Variants in CADM1 observed in about 807,000 individuals in gnomAD.
CADM1 encodes TSLC-1.
A neutral mutation model predicts 53.1 loss-of-function variants in CADM1; 15 were observed. The observed-to-expected ratio is 0.28, with a 90% confidence interval of 0.19 to 0.44. The LOEUF (loss-of-function observed/expected upper bound fraction) is 0.44. Among genes scored for constraint, CADM1 ranks in the 20% least tolerant of loss-of-function variants. The pLI is 1.00. For missense variants in CADM1, 434 were observed against 611.3 expected (o/e 0.71, Z 3.06); for synonymous variants, 281 against 243.0 (o/e 1.16, Z -1.45).
chr11:115,453,656 A>G (rs996419871), intron 1 of CADM1, among the ~76,000 whole-genome samples: 5 of 151,844 alleles, frequency 3.3e-5, no homozygotes, highest in African/African-American at 1.2e-4. Flanking sequence ...GCCCCAACAC[A>G]CCCAGCTAAT....
chr11:115,504,176 G>A (rs576774648), intron 1 of CADM1, 95 bp downstream of exon 1: 3 of 1,516,746 alleles, frequency 2.0e-6, no homozygotes, highest in African/African-American at 1.4e-5. Flanking sequence ...GGAAGTGGGG[G>A]GAGGTTGTCA....
intron 5 of CADM1, among the ~76,000 whole-genome samples, chr11:115,224,727 A>G (rs1941538604): frequency 6.6e-6 from 1 of 152,174 alleles, no homozygotes; most frequent in Non-Finnish European, 1.5e-5. Flanking sequence ...TTCCCAGCTT[A>G]TGTCGCTATG....
At chr11:115,465,567 A>G (rs751442563) in intron 1 of CADM1, among the ~76,000 whole-genome samples, 2 of 152,224 alleles carry the variant, frequency 1.3e-5, no homozygotes, top group Non-Finnish European at 2.9e-5. Context: ...GCATATAGAT[A>G]TAAAGATAGT....
At chr11:115,434,714 C>A (rs1304824560) in intron 1 of CADM1, among the ~76,000 whole-genome samples, 1 of 152,076 alleles carries the variant, frequency 6.6e-6, no homozygotes, top group Admixed American at 6.6e-5. Flanking sequence ...CACCTCTCCC[C>A]CTTGCCACTC....
intron 10 of CADM1, among the ~76,000 whole-genome samples, chr11:115,186,111 G>A (rs917278115): frequency 1.3e-5 from 2 of 152,210 alleles, no homozygotes; most frequent in South Asian, 2.1e-4. Context: ...TGGGGAAGTC[G>A]TGGGTGAGCT....
chr11:115,371,582 A>G (rs1946307935), intron 1 of CADM1, among the ~76,000 whole-genome samples: 1 of 152,206 alleles, frequency 6.6e-6, no homozygotes, highest in South Asian at 2.1e-4. Flanking sequence ...GGGAGTAAGA[A>G]CATTAAAAGT....
chr11:115,412,279 T>C (rs1261753196), intron 1 of CADM1, among the ~76,000 whole-genome samples: 1 of 152,182 alleles, frequency 6.6e-6, no homozygotes, highest in African/African-American at 2.4e-5. Context: ...CTGCAACCTC[T>C]ACCTCCCTGG....
chr11:115,265,540 G>A (rs1006593004), intron 1 of CADM1, among the ~76,000 whole-genome samples: 7 of 152,204 alleles, frequency 4.6e-5, no homozygotes, highest in East Asian at 3.9e-4. Context: ...ATATTTTTAC[G>A]TGCTCCAGTG....
At chr11:115,417,351 C>G (rs182462069) in intron 1 of CADM1, among the ~76,000 whole-genome samples, 134 of 152,288 alleles carry the variant, frequency 8.8e-4, no homozygotes, top group African/African-American at 3.2e-3. Flanking sequence ...GCTAAAGTAC[C>G]TAACTAAGTA....
chr11:115,206,225 T>G (rs1215712365), intron 8 of CADM1, among the ~76,000 whole-genome samples: 2 of 152,186 alleles, frequency 1.3e-5, no homozygotes, highest in African/African-American at 4.8e-5. Context: ...GTCAAAAAAT[T>G]GTAAGATGAA....
At chr11:115,198,709 G>A (rs1940279918) in intron 8 of CADM1, among the ~76,000 whole-genome samples, 1 of 152,182 alleles carries the variant, frequency 6.6e-6, no homozygotes, top group South Asian at 2.1e-4. Flanking sequence ...ATATTTGCTA[G>A]TCAATAGTCA....
chr11:115,305,027 T>C (rs1944326977), intron 1 of CADM1, among the ~76,000 whole-genome samples: 1 of 151,984 alleles, frequency 6.6e-6, no homozygotes, highest in African/African-American at 2.4e-5. Flanking sequence ...GCACAGACTG[T>C]CTCAACCATG....
chr11:115,169,569 C>A lies in CADM1; in HGVS notation c.*6905G>T, dbSNP rs1330280069. 1.3e-5 allele frequency: 6 copies of A among 456,102 alleles called. No homozygotes were observed. The highest frequency in any genetic ancestry group is 2.6e-5 in the Non-Finnish European group (6 of 226,772). The allele number at this position is 456,102 out of a possible 1,614,324, so 28.3% of individuals were successfully genotyped here. ...GATAAAAGATTCATGTTCCTAATTGCAACACTATAGCTGCCCTCATCACTT... is the reference window on the plus strand; with the variant it reads ...GATAAAAGATTCATGTTCCTAATTGAAACACTATAGCTGCCCTCATCACTT... On this transcript the variant is annotated 3_prime_UTR_variant, in exon 12 of 12. Transcript: ENST00000331581.
At chr11:115,200,774 G>A (rs778967201) in intron 8 of CADM1, among the ~76,000 whole-genome samples, 6 of 152,224 alleles carry the variant, frequency 3.9e-5, no homozygotes, top group Non-Finnish European at 7.3e-5. Context: ...GATTACAGGC[G>A]TGAGGCACCG....
chr11:115,260,551 T>G (rs1942940619), intron 1 of CADM1, among the ~76,000 whole-genome samples: 2 of 152,232 alleles, frequency 1.3e-5, no homozygotes, highest in Admixed American at 1.3e-4. Flanking sequence ...AACAAGACAT[T>G]AGGTCAAATG....
intron 5 of CADM1, among the ~76,000 whole-genome samples, chr11:115,225,488 G>A (rs1351769764): frequency 6.6e-6 from 1 of 152,134 alleles, no homozygotes; most frequent in Non-Finnish European, 1.5e-5. Flanking sequence ...ATTATTAAAA[G>A]TATGACAGCA....
intron 5 of CADM1, among the ~76,000 whole-genome samples, chr11:115,228,679 T>G (rs188075670): frequency 1.7e-4 from 26 of 152,254 alleles, no homozygotes; most frequent in Admixed American, 1.5e-3. Context: ...TTCAACTCAT[T>G]GCTCTAATTT....
At chr11:115,220,695 A>T (rs74761792) in intron 5 of CADM1, among the ~76,000 whole-genome samples, 1,574 of 152,266 alleles carry the variant, frequency 0.01, 30 homozygotes, top group African/African-American at 0.036. Context: ...ATCAAATATT[A>T]TAGAAGGTCT....
At chr11:115,216,032 C>G (rs1156407556) in intron 6 of CADM1, among the ~76,000 whole-genome samples, 1 of 152,216 alleles carries the variant, frequency 6.6e-6, no homozygotes, top group East Asian at 1.9e-4. Context: ...CATATGTCCT[C>G]CTTGTAGGCA....
Sources: allele counts gnomAD v4.1 joint callset (sites outside exome capture counted in the v4.1 genomes callset), GRCh38; gene constraint gnomAD v4.1.1; transcripts MANE v1.5; gene names NCBI Gene and HGNC (gene_info 2026-07-23, HGNC 2026-07-21).